LEKR1: variants seen among roughly 807,000 people sequenced by gnomAD.
LEKR1 encodes the protein protein LEKR1.
Under a neutral mutation model 72.4 loss-of-function variants are expected in LEKR1, and 59 were observed. The ratio of observed to expected loss-of-function variants is 0.82; its 90% CI spans 0.66 to 1.01. The LOEUF (loss-of-function observed/expected upper bound fraction) is 1.01. Among genes scored for constraint, LEKR1 ranks in the 50% least tolerant of loss-of-function variants. LEKR1 has a pLI of 0.00. For synonymous variants in LEKR1, 257 were observed against 263.2 expected (o/e 0.98, Z 0.23); for missense variants, 728 against 759.2 (o/e 0.96, Z 0.48).
chr3:156,893,519 G>A (rs946264661), intron 3 of LEKR1, among the ~76,000 whole-genome samples: 1 of 152,056 alleles, frequency 6.6e-6, no homozygotes, highest in African/African-American at 2.4e-5. Context: ...AGGTCATGGG[G>A]GTAGATCCCT....
chr3:156,947,611 G>A (rs1003905705), intron 6 of LEKR1, among the ~76,000 whole-genome samples: 7 of 150,984 alleles, frequency 4.6e-5, no homozygotes, highest in South Asian at 4.1e-4. Context: ...GAACCCCGTC[G>A]TAATTGGTAA....
intron 12 of LEKR1, among the ~76,000 whole-genome samples, chr3:157,039,930 G>A (rs1735231422): frequency 6.6e-6 from 1 of 152,182 alleles, no homozygotes; most frequent in Non-Finnish European, 1.5e-5. Context: ...TTTTTAAAGA[G>A]TAAGAGGGTA....
At chr3:157,018,391 A>C (rs1363290767) in intron 10 of LEKR1, among the ~76,000 whole-genome samples, 1 of 152,246 alleles carries the variant, frequency 6.6e-6, no homozygotes, top group Non-Finnish European at 1.5e-5. Flanking sequence ...TCAAGTGCAC[A>C]TGAACATCTT....
At chr3:156,876,056 C>A (rs1718531079) in intron 3 of LEKR1, among the ~76,000 whole-genome samples, 2 of 149,864 alleles carry the variant, frequency 1.3e-5, no homozygotes. Context: ...ATGTGGCTTG[C>A]CAATTATCGT....
intron 3 of LEKR1, among the ~76,000 whole-genome samples, chr3:156,880,985 T>G (rs1719250311): frequency 1.3e-5 from 2 of 152,204 alleles, no homozygotes; most frequent in South Asian, 4.1e-4. Context: ...AATTAGGTAT[T>G]GATGGGACGT....
intron 3 of LEKR1, among the ~76,000 whole-genome samples, chr3:156,867,258 A>G (rs1398370046): frequency 6.6e-6 from 1 of 152,170 alleles, no homozygotes; most frequent in African/African-American, 2.4e-5. Context: ...TAAAATTTGT[A>G]GTCCAAATTG....
intron 9 of LEKR1, among the ~76,000 whole-genome samples, chr3:157,003,352 A>G (rs1732158986): frequency 1.3e-5 from 2 of 152,204 alleles, no homozygotes; most frequent in South Asian, 4.1e-4. Flanking sequence ...AGACCATTGT[A>G]TTAGTTTCCT....
intron 7 of LEKR1, among the ~76,000 whole-genome samples, chr3:156,985,793 A>C (rs1232033781): frequency 1.3e-5 from 2 of 151,476 alleles, no homozygotes; most frequent in Admixed American, 6.6e-5. Context: ...TAGTGAGGCA[A>C]GATCGCACCA....
chr3:156,928,578 T>C (rs1724938213), intron 5 of LEKR1, among the ~76,000 whole-genome samples: 1 of 152,062 alleles, frequency 6.6e-6, no homozygotes. Context: ...GCTAAAAATC[T>C]GATAGAAAAC....
chr3:156,979,962 C>T (rs943069568), intron 7 of LEKR1: 1 of 152,110 alleles, frequency 6.6e-6, no homozygotes, highest in African/African-American at 2.4e-5. Flanking sequence ...TACAGTGAAC[C>T]ATGATCATGC....
intron 6 of LEKR1, among the ~76,000 whole-genome samples, chr3:156,952,127 A>C (rs977476623): frequency 6.6e-6 from 1 of 151,584 alleles, no homozygotes; most frequent in East Asian, 1.9e-4. Context: ...GGCAAGCTCT[A>C]TTTAAAGATA....
At chr3:156,980,617 T>C (rs184460933) in intron 7 of LEKR1, among the ~76,000 whole-genome samples, 2 of 151,626 alleles carry the variant, frequency 1.3e-5, no homozygotes, top group African/African-American at 4.8e-5. Flanking sequence ...CAAGGAGGGG[T>C]TTGGCCATGT....
chr3:157,035,148 A>ATGTTG (rs1734872462), intron 12 of LEKR1, among the ~76,000 whole-genome samples: 1 of 152,248 alleles, frequency 6.6e-6, no homozygotes, highest in African/African-American at 2.4e-5. Flanking sequence ...TAACTACAGT[A>ATGTTG]TGTTGTAAAC....
chr3:156,877,750 T>A (rs1014755674), intron 3 of LEKR1, among the ~76,000 whole-genome samples: 2 of 152,084 alleles, frequency 1.3e-5, no homozygotes, highest in African/African-American at 4.8e-5. Context: ...TTATCTTTTT[T>A]AAAAACATCT....
At chr3:156,994,169 G>A (rs562979513) in intron 9 of LEKR1, among the ~76,000 whole-genome samples, 39 of 152,068 alleles carry the variant, frequency 2.6e-4, no homozygotes, top group African/African-American at 8.7e-4. Flanking sequence ...TTTATTTTAT[G>A]AATATAATTT....
At chr3:156,962,175 A>G (rs1172230294) in intron 6 of LEKR1, among the ~76,000 whole-genome samples, 1 of 152,214 alleles carries the variant, frequency 6.6e-6, no homozygotes, top group East Asian at 1.9e-4. Flanking sequence ...CAGATCCACA[A>G]GGACCTTACC....
At chr3:156,998,307 A>G (rs1199053847) in intron 9 of LEKR1, among the ~76,000 whole-genome samples, 3 of 152,212 alleles carry the variant, frequency 2.0e-5, no homozygotes, top group Non-Finnish European at 2.9e-5. Flanking sequence ...TAAATTCTCT[A>G]TAACAAATGT....
Position 157,017,948 on chromosome 3 carries a change from C to CAAAAAAAAAAAAAAAAA in LEKR1, c.1203+6450_1203+6466dup, listed in dbSNP as rs58950224. Among the ~76,000 whole-genome samples the CAAAAAAAAAAAAAAAAA allele has an allele frequency of 1.2e-3, 99 of 82,946 alleles. 1 individual carries two copies. The highest frequency in any genetic ancestry group is 7.0e-3 in the African/African-American group (96 of 13,798). 54.4% of individuals were successfully genotyped at this position (82,946 alleles called of 152,430 possible). On this transcript the variant is annotated intron_variant, in intron 10 of 12. Coordinates refer to ENST00000356539, the MANE Select transcript of LEKR1 (RefSeq NM_001004316.3). ...TGGGCCACAGAGCGAGACTCTGTCT[C>CAAAAAAAAAAAAAAAAA]AAAAAAAAAAAAAAAAAAAAAAAAG...
chr3:156,885,815 G>A (rs1211165845), intron 3 of LEKR1, among the ~76,000 whole-genome samples: 1 of 152,230 alleles, frequency 6.6e-6, no homozygotes, highest in African/African-American at 2.4e-5. Context: ...TGCAGGCAGT[G>A]GAATTAGATT....
Sources: gnomAD v4.1 joint callset for allele counts (sites outside exome capture counted in the v4.1 genomes callset) on GRCh38, gnomAD v4.1.1 for gene constraint, MANE v1.5 for transcripts, NCBI Gene and HGNC (gene_info 2026-07-23, HGNC 2026-07-21) for gene names.